The following CTNND2 variants were observed in gnomAD, a reference collection of about 807,000 sequenced individuals.
The protein encoded by CTNND2 is catenin delta 2, also known as catenin delta-2.
CTNND2 carries 22 observed loss-of-function variants against 144.4 expected under a neutral mutation model. The observed-to-expected ratio is 0.15, with a 90% CI of 0.11 to 0.22. CTNND2 has a LOEUF of 0.22. Among genes scored for constraint, CTNND2 ranks in the 10% least tolerant of loss-of-function variants. The pLI is 1.00. For missense variants in CTNND2, 1,353 were observed against 1,618.8 expected, an observed-to-expected ratio of 0.84 and a Z score of 2.82; for synonymous variants, 751 against 695.6, an observed-to-expected ratio of 1.08 and a Z score of -1.25.
intron 12 of CTNND2, among the ~76,000 whole-genome samples, chr5:11,151,221 A>G (rs1000817509): frequency 3.9e-5 from 6 of 152,260 alleles, no homozygotes; most frequent in East Asian, 1.9e-4. Flanking sequence ...TAAGCAGTAC[A>G]TGAAAGCGTT....
At chr5:11,680,430 G>C (rs1352061937) in intron 2 of CTNND2, among the ~76,000 whole-genome samples, 4 of 152,224 alleles carry the variant, frequency 2.6e-5, no homozygotes, top group African/African-American at 9.6e-5. Flanking sequence ...GACACATTTA[G>C]TGGAAAGAGA....
chr5:11,176,994 T>G (rs979221188), intron 11 of CTNND2, among the ~76,000 whole-genome samples: 4 of 152,328 alleles, frequency 2.6e-5, no homozygotes, highest in Non-Finnish European at 5.9e-5. Context: ...TCATATAAGT[T>G]TCTTACATAA....
intron 2 of CTNND2, among the ~76,000 whole-genome samples, chr5:11,695,215 T>C (rs1304159373): frequency 6.6e-6 from 1 of 152,224 alleles, no homozygotes; most frequent in Non-Finnish European, 1.5e-5. Flanking sequence ...GTTTGTATAG[T>C]ATGTTATTAA....
chr5:11,359,231 T>C (rs193043539), intron 8 of CTNND2, among the ~76,000 whole-genome samples: 1 of 152,374 alleles, frequency 6.6e-6, no homozygotes, highest in African/African-American at 2.4e-5. Flanking sequence ...ACATGAAATG[T>C]ATATTTTATC....
In CTNND2 at chr5:11,446,075, G is replaced by C. The variant is rs1431007220; in HGVS notation, c.288-34006C>G. ...CAGCCTTCGCCTCCAGGGTTCAAGA[G>C]ATTCTCATGCTTCAGCCCCCTGAAT... On this transcript the variant is annotated intron_variant, in intron 3 of 21. Coordinates refer to ENST00000304623, the MANE Select transcript of CTNND2 (RefSeq NM_001332.4). Among the ~76,000 whole-genome samples the C allele has an allele frequency of 6.6e-5, 10 of 152,294 alleles. No homozygotes were observed. The East Asian group carries it at 9.7e-4, about 15-fold the overall frequency.
At chr5:11,205,916 G>A (rs1364042990) in intron 10 of CTNND2, among the ~76,000 whole-genome samples, 1 of 152,106 alleles carries the variant, frequency 6.6e-6, no homozygotes, top group Admixed American at 6.6e-5. Context: ...TCTTAAAACC[G>A]GTTTCCCCCA....
chr5:11,534,825 G>T (rs761526856), intron 3 of CTNND2, among the ~76,000 whole-genome samples: 1 of 152,144 alleles, frequency 6.6e-6, no homozygotes, highest in Non-Finnish European at 1.5e-5. Context: ...CGAAGACTTT[G>T]CTGACAATCC....
intron 9 of CTNND2, among the ~76,000 whole-genome samples, chr5:11,309,427 C>T (rs1323667225): frequency 6.6e-6 from 1 of 152,180 alleles, no homozygotes; most frequent in Non-Finnish European, 1.5e-5. Flanking sequence ...AGATTTAATG[C>T]CTCCCCTGCT....
intron 16 of CTNND2, among the ~76,000 whole-genome samples, chr5:11,047,277 C>T (rs778326044): frequency 1.1e-4 from 16 of 152,168 alleles, no homozygotes; most frequent in East Asian, 7.7e-4. Flanking sequence ...TCACAGGAAG[C>T]GGGACTGGGC....
chr5:11,115,669 T>C (rs1049729231), intron 13 of CTNND2, among the ~76,000 whole-genome samples: 2 of 152,234 alleles, frequency 1.3e-5, no homozygotes, highest in African/African-American at 2.4e-5. Flanking sequence ...CTTTGTTACA[T>C]TATGTTCATC....
intron 8 of CTNND2, among the ~76,000 whole-genome samples, chr5:11,362,930 T>C (rs376473524): frequency 9.2e-5 from 14 of 152,270 alleles, no homozygotes; most frequent in African/African-American, 2.7e-4. Context: ...CAAGCCACCA[T>C]GGATGATACA....
intron 10 of CTNND2, among the ~76,000 whole-genome samples, chr5:11,229,950 T>G (rs541507514): frequency 2.7e-4 from 41 of 151,712 alleles, no homozygotes; most frequent in African/African-American, 9.7e-4. Flanking sequence ...TAAACTGCAA[T>G]CCTCACTACC....
chr5:11,865,161 T>TCCCAAAA (rs1795702247), intron 1 of CTNND2, among the ~76,000 whole-genome samples: 2 of 152,088 alleles, frequency 1.3e-5, no homozygotes, highest in Non-Finnish European at 2.9e-5. Context: ...TCCCAAAGTG[T>TCCCAAAA]TGGGATTACA....
intron 11 of CTNND2, 68 bp from the exon 12 acceptor site, chr5:11,159,827 C>T: frequency 7.7e-7 from 1 of 1,299,922 alleles, no homozygotes; most frequent in South Asian, 1.5e-5. Context: ...AACTGTCTTC[C>T]TTATTTGAGT....
chr5:11,093,616 G>A (rs943825832), intron 15 of CTNND2, among the ~76,000 whole-genome samples: 2 of 151,946 alleles, frequency 1.3e-5, no homozygotes, highest in African/African-American at 4.8e-5. Context: ...TAGATGATGA[G>A]GTCTATAAAA....
At chr5:11,240,508 AACAC>A (rs1169934430) in intron 9 of CTNND2, among the ~76,000 whole-genome samples, 45 of 107,670 alleles carry the variant, frequency 4.2e-4, no homozygotes, top group African/African-American at 6.3e-4. Flanking sequence ...ACACACACCC[AACAC>A]ACACACACCC....
chr5:11,151,229 G>A (rs771893812), intron 12 of CTNND2, among the ~76,000 whole-genome samples: 9 of 152,216 alleles, frequency 5.9e-5, no homozygotes, highest in East Asian at 1.9e-4. Flanking sequence ...ACATGAAAGC[G>A]TTTGGTGTGC....
intron 2 of CTNND2, among the ~76,000 whole-genome samples, chr5:11,715,176 T>G (rs1378059094): frequency 6.6e-6 from 1 of 152,146 alleles, no homozygotes; most frequent in Non-Finnish European, 1.5e-5. Flanking sequence ...TGGACAAGTT[T>G]AGTTCCATAG....
chr5:11,858,600 T>C (rs1294839834), intron 1 of CTNND2, among the ~76,000 whole-genome samples: 1 of 152,200 alleles, frequency 6.6e-6, no homozygotes, highest in African/African-American at 2.4e-5. Flanking sequence ...TCTGTTACTA[T>C]CCACGTTTAA....
Sources: allele counts gnomAD v4.1 joint callset (sites outside exome capture counted in the v4.1 genomes callset), GRCh38; gene constraint gnomAD v4.1.1; transcripts MANE v1.5; gene names NCBI Gene and HGNC (gene_info 2026-07-23, HGNC 2026-07-21).